The following CCSER2 variants were observed in gnomAD, a reference collection of about 807,000 sequenced individuals.
The protein encoded by CCSER2 is coiled-coil serine rich protein 2, also known as serine-rich coiled-coil domain-containing protein 2.
CCSER2 carries 46 observed loss-of-function variants against 92.3 expected under a neutral mutation model. That is an observed-to-expected ratio of 0.50 (90% CI 0.39 to 0.64). CCSER2 has a LOEUF of 0.64. Ranked by LOEUF, CCSER2 falls within the 30% of genes least tolerant of loss-of-function variation. The pLI is 0.00. For missense variants in CCSER2, 1,244 were observed against 1,238.9 expected, an observed-to-expected ratio of 1.00 and a Z score of -0.06; for synonymous variants, 433 against 431.4, an observed-to-expected ratio of 1.00 and a Z score of -0.04.
At chr10:84,346,352 C>T (rs1844476557) in intron 1 of CCSER2, among the ~76,000 whole-genome samples, 1 of 151,832 alleles carries the variant, frequency 6.6e-6, no homozygotes, top group Admixed American at 6.6e-5. Flanking sequence ...GCGTGAGCCA[C>T]CGCACCCAGC....
At chr10:84,409,730 A>G (rs1199150342) in intron 3 of CCSER2, among the ~76,000 whole-genome samples, 1 of 152,154 alleles carries the variant, frequency 6.6e-6, no homozygotes, top group Non-Finnish European at 1.5e-5. Context: ...CATGACTGTA[A>G]TGTCAACATT....
intron 1 of CCSER2, among the ~76,000 whole-genome samples, chr10:84,364,744 T>TG (rs1197651762): frequency 4.3e-5 from 6 of 139,806 alleles, no homozygotes; most frequent in Admixed American, 8.2e-5. Flanking sequence ...GAATTTTTTT[T>TG]TGTTTTTTTT....
rs571817243 is a variant in CCSER2 at position 84,442,343 on chromosome 10, G to T, written c.2064+3636G>T. On this transcript the variant is annotated intron_variant, in intron 6 of 9. Coordinates refer to ENST00000372088, the MANE Select transcript of CCSER2 (RefSeq NM_001284240.2). ...TGATTTGGACAGATCAGCTATAAAG[G>T]ACATCTTGGATTAGTTGGGGAAATT... 2.6e-5 allele frequency among the ~76,000 whole-genome samples: 4 copies of T among 152,204 alleles called. No homozygotes were observed. In the South Asian group the frequency reaches 8.3e-4, roughly 32 times the overall value.
intron 9 of CCSER2, among the ~76,000 whole-genome samples, chr10:84,500,774 C>G (rs1848680125): frequency 6.6e-6 from 1 of 152,032 alleles, no homozygotes; most frequent in Non-Finnish European, 1.5e-5. Flanking sequence ...TATGCCTTCT[C>G]CAAGGATTTA....
intron 8 of CCSER2, 82 bp downstream of exon 8, chr10:84,470,540 G>T: frequency 8.4e-7 from 1 of 1,187,044 alleles, no homozygotes; most frequent in Non-Finnish European, 1.1e-6. Flanking sequence ...CAGAAGTAGA[G>T]TTTAGCTTTA....
chr10:84,455,001 C>T (rs560351309), intron 6 of CCSER2, among the ~76,000 whole-genome samples: 2 of 152,274 alleles, frequency 1.3e-5, no homozygotes, highest in East Asian at 3.9e-4. Flanking sequence ...GAATAAGTCT[C>T]ATGAGATCTG....
intron 4 of CCSER2, among the ~76,000 whole-genome samples, chr10:84,423,544 C>G (rs1409374299): frequency 6.6e-6 from 1 of 152,128 alleles, no homozygotes; most frequent in Non-Finnish European, 1.5e-5. Context: ...CCTATTCGCC[C>G]GATTTGCTTG....
chr10:84,442,549 G>C (rs1844638459), intron 6 of CCSER2, among the ~76,000 whole-genome samples: 2 of 152,184 alleles, frequency 1.3e-5, no homozygotes, highest in Non-Finnish European at 2.9e-5. Flanking sequence ...ATGATTCCTG[G>C]ATGGTAAGAA....
At chr10:84,448,544 A>G (rs531559736) in intron 6 of CCSER2, among the ~76,000 whole-genome samples, 2 of 152,330 alleles carry the variant, frequency 1.3e-5, no homozygotes, top group Admixed American at 6.5e-5. Context: ...TAAGAAAGGA[A>G]TAGGAAGGTG....
At chr10:84,414,316 G>A (rs1238924082) in intron 3 of CCSER2, among the ~76,000 whole-genome samples, 7 of 152,096 alleles carry the variant, frequency 4.6e-5, no homozygotes, top group African/African-American at 4.8e-5. Context: ...TAGTGCTTCC[G>A]TCAGGAGCTC....
intron 9 of CCSER2, among the ~76,000 whole-genome samples, chr10:84,491,444 C>T (rs1397945546): frequency 6.6e-6 from 1 of 152,174 alleles, no homozygotes; most frequent in African/African-American, 2.4e-5. Flanking sequence ...CAATGGCAGA[C>T]ACCCCTCCCC....
intron 1 of CCSER2, among the ~76,000 whole-genome samples, chr10:84,329,202 G>C (rs1263846220): frequency 6.6e-6 from 1 of 152,180 alleles, no homozygotes; most frequent in Non-Finnish European, 1.5e-5. Context: ...TCAATTACTG[G>C]GCTAAATGAA....
chr10:84,391,390 G>A, intron 3 of CCSER2: 1 of 1,469,024 alleles, frequency 6.8e-7, no homozygotes, highest in Non-Finnish European at 9.5e-7. Flanking sequence ...TAACACTAAT[G>A]CATCAGTGGA....
chr10:84,374,448 TC>T (rs1293380577), intron 3 of CCSER2, among the ~76,000 whole-genome samples: 2 of 152,164 alleles, frequency 1.3e-5, no homozygotes, highest in African/African-American at 4.8e-5. Context: ...TCTTTTGAGG[TC>T]CCTTCTTTTC....
In CCSER2 at chr10:84,456,083, G is replaced by A. The variant is rs149672861; in HGVS notation, c.2065-7850G>A. The A allele has an allele frequency of 3.2e-3, 1,297 of 402,544 alleles. 28 individuals are homozygous for A. Among genetic ancestry groups the A allele is most frequent in the Non-Finnish European group, 4.7e-4 (97 of 204,978 alleles). The allele number at this position is 402,544 out of a possible 1,614,324, so 24.9% of individuals were successfully genotyped here. A position where few individuals can be genotyped will look rare whatever the true frequency, so the allele number is the denominator to read the frequency against. ...TCGGGCTGGGTCAGGCCAAAGACCC[G>A]AGCTGCAGCCACACAGGGGAGAGAA... On this transcript the variant is annotated intron_variant, in intron 6 of 9. Transcript: ENST00000372088.
chr10:84,503,921 C>A (rs968680818), intron 9 of CCSER2, among the ~76,000 whole-genome samples: 5 of 152,146 alleles, frequency 3.3e-5, no homozygotes, highest in African/African-American at 4.8e-5. Flanking sequence ...CTTTCTCTTA[C>A]AAATTTCAGG....
intron 6 of CCSER2, among the ~76,000 whole-genome samples, chr10:84,457,273 A>ATATATTATATATTATATATT (rs1464003821): frequency 2.9e-5 from 2 of 69,652 alleles, no homozygotes; most frequent in South Asian, 3.7e-4. Flanking sequence ...TATTATATAT[A>ATATATTATATATTATATATT]ATATATTATA....
At chr10:84,485,576 A>G (rs1333337188) in intron 9 of CCSER2, among the ~76,000 whole-genome samples, 4 of 152,208 alleles carry the variant, frequency 2.6e-5, no homozygotes, top group Non-Finnish European at 5.9e-5. Flanking sequence ...ATTGCTGAGT[A>G]CTGTTCCATG....
intron 9 of CCSER2, among the ~76,000 whole-genome samples, chr10:84,491,448 C>T (rs1040567869): frequency 2.0e-5 from 3 of 152,134 alleles, no homozygotes; most frequent in African/African-American, 7.2e-5. Context: ...GGCAGACACC[C>T]CTCCCCCAGC....
Sources: allele counts gnomAD v4.1 joint callset (sites outside exome capture counted in the v4.1 genomes callset), GRCh38; gene constraint gnomAD v4.1.1; transcripts MANE v1.5; gene names NCBI Gene and HGNC (gene_info 2026-07-23, HGNC 2026-07-21).